FAM107B: variants seen among roughly 807,000 people sequenced by gnomAD.
FAM107B encodes protein FAM107B.
In FAM107B, 21 loss-of-function variants were observed where a neutral mutation model predicts 31.5. The observed-to-expected ratio is 0.67, with a 90% confidence interval of 0.47 to 0.96. The LOEUF (loss-of-function observed/expected upper bound fraction) is 0.96. Ranked by LOEUF, FAM107B falls within the 40% of genes least tolerant of loss-of-function variation. The probability of loss-of-function intolerance (pLI) is 0.00; values close to 1 mark genes in which losing one functional copy is unlikely to be tolerated. For missense variants in FAM107B, 452 were observed against 377.1 expected, an observed-to-expected ratio of 1.20 and a Z score of -1.64; for synonymous variants, 157 against 141.5, an observed-to-expected ratio of 1.11 and a Z score of -0.78.
intron 1 of FAM107B, among the ~76,000 whole-genome samples, chr10:14,773,940 TG>T (rs1226684166): frequency 6.6e-6 from 1 of 152,210 alleles, no homozygotes; most frequent in East Asian, 1.9e-4. Context: ...AAAATGTTTT[TG>T]TAAACTATCT....
intron 2 of FAM107B, among the ~76,000 whole-genome samples, chr10:14,602,031 A>C (rs1475479334): frequency 6.6e-6 from 1 of 152,202 alleles, no homozygotes; most frequent in Non-Finnish European, 1.5e-5. Context: ...CACCCAAGGA[A>C]GGGGATCTCC....
At chr10:14,621,777 C>A (rs887529703) in intron 2 of FAM107B, among the ~76,000 whole-genome samples, 5 of 152,024 alleles carry the variant, frequency 3.3e-5, no homozygotes, top group Middle Eastern at 6.8e-3. Flanking sequence ...GTGGCACCAG[C>A]CCCATTCCAC....
At chr10:14,693,113 A>T (rs892250289) in intron 1 of FAM107B, among the ~76,000 whole-genome samples, 5 of 152,198 alleles carry the variant, frequency 3.3e-5, no homozygotes, top group Non-Finnish European at 7.4e-5. Context: ...TCTTTTATCA[A>T]GTGGAATTCT....
chr10:14,665,763 C>A (rs1046047648), intron 2 of FAM107B, among the ~76,000 whole-genome samples: 1 of 152,218 alleles, frequency 6.6e-6, no homozygotes, highest in East Asian at 1.9e-4. Flanking sequence ...CCCCAAGGGG[C>A]CTTGTTTGAT....
chr10:14,583,181 GA>G (rs1851708498), intron 2 of FAM107B, among the ~76,000 whole-genome samples: 1 of 151,988 alleles, frequency 6.6e-6, no homozygotes, highest in Non-Finnish European at 1.5e-5. Context: ...TCCAGAGCCT[GA>G]TAAATCATAC....
At chr10:14,682,925 A>T (rs1854874074) in intron 1 of FAM107B, among the ~76,000 whole-genome samples, 2 of 152,250 alleles carry the variant, frequency 1.3e-5, no homozygotes, top group South Asian at 4.1e-4. Flanking sequence ...ATAAATAAAT[A>T]AAAATAATGT....
intron 3 of FAM107B, among the ~76,000 whole-genome samples, chr10:14,525,886 C>A (rs567127319): frequency 1.3e-5 from 2 of 152,276 alleles, no homozygotes; most frequent in African/African-American, 4.8e-5. Context: ...ATATTCCCAC[C>A]CCCAGAGTAT....
chr10:14,626,441 TGTTA>T (rs1358413440), intron 2 of FAM107B, among the ~76,000 whole-genome samples: 1 of 152,108 alleles, frequency 6.6e-6, no homozygotes, highest in African/African-American at 2.4e-5. Flanking sequence ...TCATTTGGGT[TGTTA>T]GTTATCACAG....
At chr10:14,642,280 G>A (rs1853647297) in intron 2 of FAM107B, among the ~76,000 whole-genome samples, 2 of 152,198 alleles carry the variant, frequency 1.3e-5, no homozygotes, top group South Asian at 4.1e-4. Context: ...TGCCCCTGTG[G>A]TTCTTGCAGA....
chr10:14,642,961 C>A (rs956888077), intron 2 of FAM107B, among the ~76,000 whole-genome samples: 3 of 152,230 alleles, frequency 2.0e-5, no homozygotes, highest in Admixed American at 2.0e-4. Context: ...TTAGTGTGCA[C>A]CCCCAAATTC....
intron 1 of FAM107B, among the ~76,000 whole-genome samples, chr10:14,717,376 G>C (rs1053976017): frequency 6.6e-6 from 1 of 152,178 alleles, no homozygotes; most frequent in Non-Finnish European, 1.5e-5. Flanking sequence ...AGGTCTCCCA[G>C]TAGGCATCAG....
At chr10:14,732,960 CTTATA>C (rs1432567218) in intron 1 of FAM107B, among the ~76,000 whole-genome samples, 1 of 143,440 alleles carries the variant, frequency 7.0e-6, no homozygotes, top group Non-Finnish European at 1.5e-5. Context: ...TATGGAATAC[CTTATA>C]TTGTATTCTA....
intron 2 of FAM107B, among the ~76,000 whole-genome samples, chr10:14,558,864 G>A (rs961212443): frequency 6.6e-6 from 1 of 151,942 alleles, no homozygotes; most frequent in South Asian, 2.1e-4. Flanking sequence ...ATATGAAGGG[G>A]AGCCCAAATT....
In FAM107B at chr10:14,631,242, A is replaced by C. The variant is rs1853346941; in HGVS notation, c.469+36392T>G. Among the ~76,000 whole-genome samples the C allele has an allele frequency of 2.0e-5, 3 of 152,112 alleles. No homozygotes were observed. The South Asian group carries it at 6.2e-4, about 32-fold the overall frequency. ...CCTATCATCCCTTCAACAGAACTACATCACAGTCCCCTTCCTAGTTTACTC... is the reference window on the plus strand; with the variant it reads ...CCTATCATCCCTTCAACAGAACTACCTCACAGTCCCCTTCCTAGTTTACTC... On this transcript the variant is annotated intron_variant, in intron 2 of 4. Transcript: ENST00000181796.
At chr10:14,527,900 T>C (rs574172994) in intron 3 of FAM107B, 11 of 231,198 alleles carry the variant, frequency 4.8e-5, no homozygotes, top group African/African-American at 2.3e-4. Context: ...AAATTCTCAC[T>C]TTAAAATCAC....
intron 3 of FAM107B, 79 bp downstream of exon 3, chr10:14,530,253 C>T: frequency 7.2e-7 from 1 of 1,394,466 alleles, no homozygotes; most frequent in Non-Finnish European, 9.8e-7. Flanking sequence ...TTTGAAGCCT[C>T]TGTAAATACA....
At chr10:14,625,428 G>A (rs1045084815) in intron 2 of FAM107B, among the ~76,000 whole-genome samples, 3 of 152,024 alleles carry the variant, frequency 2.0e-5, no homozygotes, top group Non-Finnish European at 4.4e-5. Flanking sequence ...AATGAGCAGA[G>A]CCTGCCCCCT....
chr10:14,753,499 C>G (rs1285314298), intron 1 of FAM107B, among the ~76,000 whole-genome samples: 2 of 152,202 alleles, frequency 1.3e-5, no homozygotes, highest in Non-Finnish European at 2.9e-5. Flanking sequence ...ACAGGAAGAA[C>G]TTCTAGATTT....
chr10:14,682,510 C>T (rs1854861933), intron 1 of FAM107B, among the ~76,000 whole-genome samples: 1 of 152,132 alleles, frequency 6.6e-6, no homozygotes, highest in Non-Finnish European at 1.5e-5. Flanking sequence ...GCTTGGGCAA[C>T]AGAGTGAGAC....
Sources: gnomAD v4.1 joint callset for allele counts (sites outside exome capture counted in the v4.1 genomes callset) on GRCh38, gnomAD v4.1.1 for gene constraint, MANE v1.5 for transcripts, NCBI Gene and HGNC (gene_info 2026-07-23, HGNC 2026-07-21) for gene names.